The following KLHL14 variants were observed in gnomAD, a reference collection of about 807,000 sequenced individuals.
KLHL14 encodes the protein kelch like family member 14, also known as kelch-like protein 14.
Under a neutral mutation model 64.3 loss-of-function variants are expected in KLHL14, and 22 were observed. The ratio of observed to expected loss-of-function variants is 0.34; its 90% CI spans 0.24 to 0.49. KLHL14 has a LOEUF of 0.49. Among genes scored for constraint, KLHL14 ranks in the 20% least tolerant of loss-of-function variants. The probability of loss-of-function intolerance (pLI) is 0.99; values close to 1 mark genes in which losing one functional copy is unlikely to be tolerated. For missense variants in KLHL14, 661 were observed against 789.0 expected (o/e 0.84, Z 1.94); for synonymous variants, 322 against 333.4 (o/e 0.97, Z 0.37).
At chr18:32,728,086 T>C (rs73955270) in intron 3 of KLHL14, among the ~76,000 whole-genome samples, 1 of 152,112 alleles carries the variant, frequency 6.6e-6, no homozygotes, top group Non-Finnish European at 1.5e-5. Context: ...ACAAAGAGGA[T>C]GGTAGAAGGT....
At chr18:32,745,044 T>C (rs2050217538) in intron 2 of KLHL14, 2 of 152,202 alleles carry the variant, frequency 1.3e-5, no homozygotes, top group South Asian at 2.1e-4. Flanking sequence ...TAAAGAATTA[T>C]GTGGAGGAAA....
At chr18:32,716,434 G>A (rs1379797264) in intron 3 of KLHL14, among the ~76,000 whole-genome samples, 1 of 126,508 alleles carries the variant, frequency 7.9e-6, no homozygotes, top group African/African-American at 3.3e-5. Context: ...TTTTTTTTGA[G>A]GTGGAATTTC....
chr18:32,751,876 C>T (rs796370526), intron 2 of KLHL14, among the ~76,000 whole-genome samples: 2 of 152,166 alleles, frequency 1.3e-5, no homozygotes, highest in South Asian at 4.1e-4. Context: ...CCTGTAATCC[C>T]AGCCCTTTGG....
At chr18:32,753,665 G>A (rs1598577074) in intron 2 of KLHL14, among the ~76,000 whole-genome samples, 1 of 152,148 alleles carries the variant, frequency 6.6e-6, no homozygotes, top group Admixed American at 6.5e-5. Context: ...CAAGGATCAG[G>A]ACGAGTTTAT....
chr18:32,679,989 G>T (rs771809517), intron 7 of KLHL14, among the ~76,000 whole-genome samples, 180 bp downstream of exon 7: 10 of 151,972 alleles, frequency 6.6e-5, no homozygotes, highest in South Asian at 2.1e-4. Flanking sequence ...AATCCTATCT[G>T]CAGCAAAGCC....
rs1267390675 is a variant in KLHL14 at position 32,674,751 on chromosome 18, G to C, written c.1793C>G (p.Thr598Ser). 1 of 780,822 alleles carries C rather than the reference G, an allele frequency of 1.3e-6. No homozygotes were observed. The highest frequency in any genetic ancestry group is 2.4e-6 in the Non-Finnish European group (1 of 418,054). The allele number at this position is 780,822 out of a possible 1,614,324, so 48.4% of individuals were successfully genotyped here. Reference protein sequence around the residue: ...STICYCPEKGTWTELEGDVAE... With the variant: ...STICYCPEKGSWTELEGDVAE... ...TACATCTCCTTCGAGTTCTGTCCAG[G>C]TTCCTTTCTCTGGACAATAGCATAT... The change falls in exon 9 of 9, where the codon ACC becomes AGC. Residue 598 changes from threonine (T) to serine (S), a missense_variant. Thr to Ser is a moderately conservative substitution (Grantham distance 58). Around this residue, in one of 2 missense-constraint regions of KLHL14, gnomAD observed 330 missense variants for 450.0 expected, o/e 0.73. Transcript: ENST00000359358.
intron 2 of KLHL14, among the ~76,000 whole-genome samples, chr18:32,766,534 G>A (rs555927877): frequency 5.3e-5 from 8 of 152,118 alleles, no homozygotes; most frequent in Non-Finnish European, 1.0e-4. Flanking sequence ...TTTGAAATAT[G>A]TAATACTTTT....
In KLHL14 at chr18:32,683,450, A is replaced by G. The variant is rs1375747708; in HGVS notation, c.1239-2851T>C. Among the ~76,000 whole-genome samples the G allele has an allele frequency of 6.6e-6, 1 of 152,158 alleles. No individual in the cohort carries two copies. Among genetic ancestry groups the G allele is most frequent in the Admixed American group, 6.5e-5 (1 of 15,268 alleles). On this transcript the variant is annotated intron_variant, in intron 5 of 8. Transcript: ENST00000359358. This position sits in a 1 kb window ranked among gnomAD's most constrained non-coding sequence, Gnocchi z 4.2. The stretch of plus-strand genomic sequence containing the variant: ...GCCAGCAACTGTGAACATTCACTGT[A>G]GGCTAAAATCTTCCCATACCAGGTC...
chr18:32,760,209 A>G (rs2050306537), intron 2 of KLHL14, among the ~76,000 whole-genome samples: 1 of 152,258 alleles, frequency 6.6e-6, no homozygotes, highest in South Asian at 2.1e-4. Context: ...TGAATTGTGG[A>G]CCATCCCACC....
chr18:32,764,009 T>G (rs1412564661), intron 2 of KLHL14, among the ~76,000 whole-genome samples: 3 of 152,206 alleles, frequency 2.0e-5, no homozygotes, highest in African/African-American at 4.8e-5. Flanking sequence ...CACTCATAAG[T>G]CAGGAATCCT....
Position 32,683,900 on chromosome 18 carries a change from G to A in KLHL14, c.1238+3255C>T, listed in dbSNP as rs1265626121. On this transcript the variant is annotated intron_variant, in intron 5 of 8. Coordinates refer to ENST00000359358, the MANE Select transcript of KLHL14 (RefSeq NM_020805.3). This position sits in a 1 kb window ranked among gnomAD's most constrained non-coding sequence, Gnocchi z 4.2. ...AGAATATTGTCTCCCATTGTTTCTT[G>A]TAACACAAAATATTACTAGAAAAAC... 3.3e-5 allele frequency among the ~76,000 whole-genome samples: 5 copies of A among 152,092 alleles called. No individual in the cohort carries two copies. The highest frequency in any genetic ancestry group is 1.2e-4 in the African/African-American group (5 of 41,420).
intron 3 of KLHL14, among the ~76,000 whole-genome samples, chr18:32,704,491 G>C (rs2049980754): frequency 6.6e-6 from 1 of 152,124 alleles, no homozygotes; most frequent in Non-Finnish European, 1.5e-5. Context: ...GGGGGGCCGA[G>C]GCAGACAGAT....
At chr18:32,762,460 T>C (rs2050319381) in intron 2 of KLHL14, among the ~76,000 whole-genome samples, 1 of 152,128 alleles carries the variant, frequency 6.6e-6, no homozygotes, top group African/African-American at 2.4e-5. Context: ...GCATTTTTCT[T>C]ACTTCTTGTT....
intron 2 of KLHL14, among the ~76,000 whole-genome samples, chr18:32,751,338 C>T (rs1221556531): frequency 1.3e-5 from 2 of 152,190 alleles, no homozygotes; most frequent in African/African-American, 4.8e-5. Context: ...GGTAATTACA[C>T]AGCAGCTTTC....
chr18:32,726,354 C>T (rs1437804842), intron 3 of KLHL14, among the ~76,000 whole-genome samples: 3 of 152,162 alleles, frequency 2.0e-5, no homozygotes, highest in East Asian at 1.9e-4. Flanking sequence ...CCGGGTGCAG[C>T]GGCTCACACC....
chr18:32,758,933 G>A lies in KLHL14; in HGVS notation c.947+10712C>T, dbSNP rs537113789. Among the ~76,000 whole-genome samples the A allele has an allele frequency of 1.5e-4, 23 of 152,290 alleles. No homozygotes were observed. The East Asian group carries it at 3.1e-3, about 20-fold the overall frequency. Reference sequence around the variant, plus strand: ...TAGTGGTTACCTAGGGCTGAAAGTCGGGCGGATGATGGTGGTGGTGAGGGA... The same window carrying A: ...TAGTGGTTACCTAGGGCTGAAAGTCAGGCGGATGATGGTGGTGGTGAGGGA... On this transcript the variant is annotated intron_variant, in intron 2 of 8. Coordinates refer to ENST00000359358, the MANE Select transcript of KLHL14 (RefSeq NM_020805.3).
chr18:32,732,981 G>A (rs2050144276), intron 3 of KLHL14, among the ~76,000 whole-genome samples: 1 of 152,144 alleles, frequency 6.6e-6, no homozygotes, highest in Non-Finnish European at 1.5e-5. Flanking sequence ...TGTATGTGTT[G>A]GTTGCTGTTG....
At chr18:32,735,114 T>G (rs773690282) in intron 3 of KLHL14, among the ~76,000 whole-genome samples, 1 of 152,220 alleles carries the variant, frequency 6.6e-6, no homozygotes. Flanking sequence ...TCTAGCTCTA[T>G]TCTATGAACA....
intron 3 of KLHL14, among the ~76,000 whole-genome samples, chr18:32,738,866 T>A (rs1353941308): frequency 6.6e-6 from 1 of 152,184 alleles, no homozygotes; most frequent in Non-Finnish European, 1.5e-5. Context: ...TTCTGAAATA[T>A]AAATAACATA....
Sources: allele counts gnomAD v4.1 joint callset (sites outside exome capture counted in the v4.1 genomes callset), GRCh38; gene constraint gnomAD v4.1.1; regional missense constraint gnomAD v4.1.1; non-coding constraint Gnocchi (gnomAD v3.1); transcripts MANE v1.5; gene names NCBI Gene and HGNC (gene_info 2026-07-23, HGNC 2026-07-21).